STAC: variants seen among roughly 807,000 people sequenced by gnomAD.
STAC encodes the protein SH3 and cysteine-rich domain-containing protein.
Under a neutral mutation model 48.8 loss-of-function variants are expected in STAC, and 43 were observed. The ratio of observed to expected loss-of-function variants is 0.88; its 90% CI spans 0.69 to 1.14. The LOEUF (loss-of-function observed/expected upper bound fraction) is 1.14. Ranked by LOEUF, STAC falls within the 50% of genes most tolerant of loss-of-function variation. The pLI is 0.00. For missense variants in STAC, 497 were observed against 504.0 expected (o/e 0.99, Z 0.13); for synonymous variants, 193 against 179.5 (o/e 1.07, Z -0.60).
intron 1 of STAC, among the ~76,000 whole-genome samples, chr3:36,410,133 A>G (rs1240937357): frequency 2.0e-5 from 3 of 152,200 alleles, no homozygotes; most frequent in African/African-American, 7.2e-5. Context: ...TTAAAAAGAA[A>G]TGTTATCATT....
At chr3:36,494,929 T>C (rs1469380347) in intron 6 of STAC, among the ~76,000 whole-genome samples, 1 of 152,216 alleles carries the variant, frequency 6.6e-6, no homozygotes, top group Non-Finnish European at 1.5e-5. Flanking sequence ...CACCAGAGAC[T>C]TGCATGATAA....
intron 6 of STAC, among the ~76,000 whole-genome samples, chr3:36,498,764 G>C (rs1475173693): frequency 1.3e-5 from 2 of 152,064 alleles, no homozygotes. Flanking sequence ...CAAAAAGAGA[G>C]AGAGAGAAAG....
Position 36,486,168 on chromosome 3 carries a change from C to T in STAC, c.606C>T (p.Thr202=). The stretch of plus-strand genomic sequence containing the variant: ...ATAAGGTGGACCCTGTCTACGAGAC[C>T]CTCCGCTTCGGCACCTCCCTGGCCC... ...CGNKVDPVYE[T]LRFGTSLAQR... The change falls in exon 5 of 11, where the codon ACC becomes ACT. Residue 202 remains threonine, a synonymous_variant. Transcript: ENST00000273183. 5.6e-6 allele frequency: 9 copies of T among 1,613,938 alleles called. No individual in the cohort carries two copies. The highest frequency in any genetic ancestry group is 6.8e-6 in the Non-Finnish European group (8 of 1,179,906).
At chr3:36,501,321 G>C (rs1698278185) in intron 6 of STAC, among the ~76,000 whole-genome samples, 1 of 151,926 alleles carries the variant, frequency 6.6e-6, no homozygotes, top group Non-Finnish European at 1.5e-5. Context: ...ACTCAGAAAA[G>C]CAGAAGGCAA....
chr3:36,485,645 C>G (rs977031954), intron 4 of STAC: 1 of 152,516 alleles, frequency 6.6e-6, no homozygotes, highest in Non-Finnish European at 1.5e-5. Flanking sequence ...CTGAAAATCT[C>G]GACATCTATT....
At chr3:36,517,580 G>A (rs1018166470) in intron 8 of STAC, among the ~76,000 whole-genome samples, 23 of 152,158 alleles carry the variant, frequency 1.5e-4, no homozygotes, top group Non-Finnish European at 2.8e-4. Context: ...CTTGAGCCCA[G>A]GAGGTTGAGG....
intron 8 of STAC, among the ~76,000 whole-genome samples, chr3:36,510,724 G>T (rs150152271): frequency 6.6e-6 from 1 of 151,950 alleles, no homozygotes; most frequent in Non-Finnish European, 1.5e-5. Context: ...ACCAAACGCC[G>T]CATGTTCTCA....
At position 36,443,541 on chromosome 3, in the gene STAC, G is replaced by A. The variant is rs568735926; in HGVS notation, c.289G>A (p.Ala97Thr). The A allele has an allele frequency of 4.3e-5, 70 of 1,614,174 alleles. No individual in the cohort carries two copies. In the South Asian group the frequency reaches 4.5e-4, roughly 10 times the overall value. ...TCCAGGAAGCCTGACGTCCACACCC[G>A]CCAGGGCTGGTCTGCATCCAGGTGG... ...PAPGSLTSTP[A>T]RAGLHPGGKA... The change falls in exon 2 of 11, where the codon GCC becomes ACC. Residue 97 changes from alanine (A) to threonine (T), a missense_variant. By Grantham distance (58) the Ala-to-Thr change is moderately conservative. Transcript: ENST00000273183. The surrounding 1 kb of genome is among the most constrained non-coding windows in gnomAD (Gnocchi z 4.2).
At chr3:36,444,583 A>G (rs1215692311) in intron 2 of STAC, among the ~76,000 whole-genome samples, 1 of 152,230 alleles carries the variant, frequency 6.6e-6, no homozygotes, top group Non-Finnish European at 1.5e-5. Flanking sequence ...ACTGTGACTT[A>G]GTCTACTGGC....
rs368889742 is a variant in STAC, at chr3:36,486,123, T to C, written c.572-11T>C. On this transcript the variant is annotated splice_polypyrimidine_tract_variant and intron_variant, in intron 4 of 10. Transcript: ENST00000273183. ...TGAGCTTCCTCAGATGAACTTTCTC[T>C]TCTGTTGCAGCCTGTGGCAATAAGG... 5 of 1,608,240 alleles carry C rather than the reference T, an allele frequency of 3.1e-6. No homozygotes were observed. Among genetic ancestry groups the C allele is most frequent in the Non-Finnish European group, 4.3e-6 (5 of 1,176,260 alleles).
chr3:36,471,124 G>A (rs2125691449), intron 2 of STAC, among the ~76,000 whole-genome samples: 1 of 152,256 alleles, frequency 6.6e-6, no homozygotes, highest in Middle Eastern at 3.4e-3. Flanking sequence ...ACATGGCTGG[G>A]GAAGCCTCAG....
chr3:36,447,402 C>A (rs905498033), intron 2 of STAC, among the ~76,000 whole-genome samples: 27 of 152,290 alleles, frequency 1.8e-4, no homozygotes, highest in African/African-American at 6.5e-4. Flanking sequence ...AAACACTCCC[C>A]ACTAGGAACA....
At chr3:36,428,844 C>G (rs1423415359) in intron 1 of STAC, among the ~76,000 whole-genome samples, 3 of 152,132 alleles carry the variant, frequency 2.0e-5, no homozygotes, top group Non-Finnish European at 4.4e-5. Flanking sequence ...TACAGAGAAA[C>G]TATGCTAAGG....
rs60145698 is a variant in STAC, at chr3:36,439,717, G to C, written c.112-3647G>C. On this transcript the variant is annotated intron_variant, in intron 1 of 10. Coordinates refer to ENST00000273183, the MANE Select transcript of STAC (RefSeq NM_003149.3). ...GAAGGACTTGAAGTGAAGAGGGTCTGTACTGCTCCTTTGCTGCATCCAGGT... is the reference window on the plus strand; with the variant it reads ...GAAGGACTTGAAGTGAAGAGGGTCTCTACTGCTCCTTTGCTGCATCCAGGT... Among the ~76,000 whole-genome samples the C allele has an allele frequency of 0.024, 3,675 of 152,264 alleles. 273 individuals carry two copies. The East Asian group carries it at 0.29, about 12-fold the overall frequency.
chr3:36,520,605 T>C (rs1698777049), intron 8 of STAC, among the ~76,000 whole-genome samples: 1 of 152,184 alleles, frequency 6.6e-6, no homozygotes, highest in Non-Finnish European at 1.5e-5. Flanking sequence ...TCAACTTAAT[T>C]AAAACTAAAT....
At chr3:36,532,221 T>C (rs370144221) in intron 10 of STAC, among the ~76,000 whole-genome samples, 250 of 152,272 alleles carry the variant, frequency 1.6e-3, no homozygotes, top group African/African-American at 5.7e-3. Flanking sequence ...GATTTTTGGT[T>C]GTTAAAATCT....
chr3:36,470,501 T>C lies in STAC; in HGVS notation c.389-12491T>C, dbSNP rs566805986. Among the ~76,000 whole-genome samples the C allele has an allele frequency of 9.2e-5, 14 of 152,320 alleles. No homozygotes were observed. In the East Asian group the frequency reaches 2.7e-3, roughly 29 times the overall value. ...AGTGAAGCGGACTCTGAGTCCTTGGTTATGTTTCTGTTTATTGCACTGGTT... is the reference window on the plus strand; with the variant it reads ...AGTGAAGCGGACTCTGAGTCCTTGGCTATGTTTCTGTTTATTGCACTGGTT... On this transcript the variant is annotated intron_variant, in intron 2 of 10. Transcript: ENST00000273183.
chr3:36,390,451 CTTTTTTTTTTTT>C (rs59589769), intron 1 of STAC, among the ~76,000 whole-genome samples: 2 of 80,824 alleles, frequency 2.5e-5, no homozygotes, highest in Non-Finnish European at 4.9e-5. Flanking sequence ...TTTTTCTTTT[CTTTTTTTTTTTT>C]TTTTTTTTTG....
In STAC at chr3:36,380,900, G is replaced by GGACTCGCCGAGACTTGAACGTCCGGTAA. The variant is rs1699495654; in HGVS notation, c.111+149_111+150insTCGCCGAGACTTGAACGTCCGGTAAGAC. 12 of 590,960 alleles carry GGACTCGCCGAGACTTGAACGTCCGGTAA rather than the reference G, an allele frequency of 2.0e-5. No homozygotes were observed. The Middle Eastern group carries it at 9.0e-4, about 44-fold the overall frequency. 36.6% of individuals were successfully genotyped at this position (590,960 alleles called of 1,614,324 possible). On this transcript the variant is annotated intron_variant, in intron 1 of 10. Coordinates refer to ENST00000273183, the MANE Select transcript of STAC (RefSeq NM_003149.3). ...GGCTGTAGGACTTGAACGTCCGGTAGGACCCGCTGCTCACGATGCTGGACC... is the reference window on the plus strand; with the variant it reads ...GGCTGTAGGACTTGAACGTCCGGTAGGACTCGCCGAGACTTGAACGTCCGGTAAGACCCGCTGCTCACGATGCTGGACC...
Sources: allele counts gnomAD v4.1 joint callset (sites outside exome capture counted in the v4.1 genomes callset), GRCh38; gene constraint gnomAD v4.1.1; non-coding constraint Gnocchi (gnomAD v3.1); transcripts MANE v1.5; gene names NCBI Gene and HGNC (gene_info 2026-07-23, HGNC 2026-07-21).